The following USP4 variants were observed in gnomAD, a reference collection of about 807,000 sequenced individuals.
USP4 encodes the protein ubiquitin carboxyl-terminal hydrolase 4.
In USP4, 72 loss-of-function variants were observed where a neutral mutation model predicts 118.2. That is an observed-to-expected ratio of 0.61 (90% CI 0.50 to 0.74). The LOEUF is 0.74. Among genes scored for constraint, USP4 ranks in the 30% least tolerant of loss-of-function variants. The pLI, the probability that USP4 is intolerant of heterozygous loss-of-function variation, is 0.00. For missense variants in USP4, 1,037 were observed against 1,185.7 expected (o/e 0.87, Z 1.84); for synonymous variants, 415 against 440.4 (o/e 0.94, Z 0.72).
rs373058777 is a variant in USP4, at chr3:49,327,721, C to T, written c.325G>A (p.Gly109Ser). 6.2e-6 allele frequency: 10 copies of T among 1,614,048 alleles called. No individual in the cohort carries two copies. The highest frequency in any genetic ancestry group is 2.7e-5 in the African/African-American group (2 of 75,008). Residue 109 changes from glycine to serine, a missense_variant, in exon 3 of 22, where the codon GGC becomes AGC. Around this residue, in one of 3 missense-constraint regions of USP4, gnomAD observed 487 missense variants for 534.1 expected, o/e 0.91. Coordinates refer to ENST00000265560, the MANE Select transcript of USP4 (RefSeq NM_003363.4). ...EAWNKLLNWY[G>S]CVEGQQPIVR... ...ATGGGTTGCTGGCCTTCTACACAGCCGTACCAGTTTAGTAGTTTATTCCAC... is the reference window on the plus strand; with the variant it reads ...ATGGGTTGCTGGCCTTCTACACAGCTGTACCAGTTTAGTAGTTTATTCCAC...
chr3:49,281,367 A>G (rs1559462920), intron 19 of USP4, among the ~76,000 whole-genome samples: 1 of 151,730 alleles, frequency 6.6e-6, no homozygotes, highest in African/African-American at 2.4e-5. Context: ...GAGGCAGGAG[A>G]ATGGCGTGAA....
chr3:49,283,008 CTTTTTTTTTTTTTT>C (rs71077783), intron 19 of USP4, among the ~76,000 whole-genome samples: 1 of 78,264 alleles, frequency 1.3e-5, no homozygotes, highest in Non-Finnish European at 2.5e-5. Flanking sequence ...GTGCCGGCCT[CTTTTTTTTTTTTTT>C]TTTTTTTTTT....
At chr3:49,287,631 C>A (rs1288771156) in intron 15 of USP4, among the ~76,000 whole-genome samples, 1 of 152,086 alleles carries the variant, frequency 6.6e-6, no homozygotes, top group Non-Finnish European at 1.5e-5. Flanking sequence ...CACCACCACG[C>A]CCAGCTAATT....
rs113202268 is a variant in USP4 at position 49,317,274 on chromosome 3, G to A, written c.696-5620C>T. ...TCTTGCGTGCCAGGTTCTCGTTGAC[G>A]CGGGCCAGCTTCTCGTTGACGCAGG... is the stretch of plus-strand genomic sequence containing the variant. On this transcript the variant is annotated intron_variant, in intron 6 of 21. Transcript: ENST00000265560. 66 of 1,533,540 alleles carry A rather than the reference G, an allele frequency of 4.3e-5. 1 individual carries two copies. In the African/African-American group the frequency reaches 7.5e-4, roughly 17 times the overall value. The allele number at this position is 1,533,540 out of a possible 1,614,324, so 95.0% of individuals were successfully genotyped here. A position where few individuals can be genotyped will look rare whatever the true frequency, so the allele number is the denominator to read the frequency against.
At chr3:49,306,428 C>G (rs1052764354) in intron 8 of USP4, among the ~76,000 whole-genome samples, 1 of 151,924 alleles carries the variant, frequency 6.6e-6, no homozygotes, top group Non-Finnish European at 1.5e-5. Context: ...GTCTCAAACT[C>G]CTGACCTCAG....
Position 49,286,816 on chromosome 3 carries a change from C to CTCTATCTATCTATCTA in USP4, c.1973-507_1973-492dup, listed in dbSNP as rs57920190. On this transcript the variant is annotated intron_variant, in intron 15 of 21. Transcript: ENST00000265560. ...ATCCGAGACAGTCTCACTCTAGCCA[C>CTCTATCTATCTATCTA]TCTATCTATCTATCTATCTATCTAT... Among the ~76,000 whole-genome samples, 840 of 141,332 alleles carry CTCTATCTATCTATCTA rather than the reference C, an allele frequency of 5.9e-3. 5 individuals are homozygous for CTCTATCTATCTATCTA. The highest frequency in any genetic ancestry group is 0.024 in the East Asian group (112 of 4,702). 92.7% of individuals were successfully genotyped at this position (141,332 alleles called of 152,430 possible). A position where few individuals can be genotyped will look rare whatever the true frequency, so the allele number is the denominator to read the frequency against.
rs2046987866 is a variant in USP4 at position 49,278,812 on chromosome 3, A to G, written c.2733+2T>C. On this transcript the variant is annotated splice_donor_variant, in intron 21 of 21. Transcript: ENST00000265560. LOFTEE classifies it high-confidence loss of function. ...AAGAACCACATATCATGGCCTACTC[A>G]CCACTATCTGATCCTCAGAGGCCAG... is the stretch of plus-strand genomic sequence containing the variant. 6.3e-7 allele frequency: 1 copy of G among 1,599,482 alleles called. No homozygotes were observed. Among genetic ancestry groups the G allele is most frequent in the African/African-American group, 1.3e-5 (1 of 74,366 alleles).
At chr3:49,339,432 C>T (rs775336766) in intron 1 of USP4, among the ~76,000 whole-genome samples, 11 of 152,230 alleles carry the variant, frequency 7.2e-5, no homozygotes, top group Non-Finnish European at 1.2e-4. Flanking sequence ...CCAAAATAAT[C>T]GGGGTTCTCA....
intron 2 of USP4, among the ~76,000 whole-genome samples, chr3:49,334,070 T>C (rs1236712342): frequency 6.6e-6 from 1 of 151,476 alleles, no homozygotes; most frequent in Non-Finnish European, 1.5e-5. Context: ...CAAATAATAA[T>C]GAAAAACTTT....
At chr3:49,292,641 G>C in intron 14 of USP4, 43 bp from the exon 15 acceptor site, 2 of 1,359,418 alleles carry the variant, frequency 1.5e-6, no homozygotes, top group Non-Finnish European at 2.0e-6. Flanking sequence ...ATTGTTAGTT[G>C]TAACATTTAT....
At chr3:49,295,718 A>G (rs965337246) in intron 13 of USP4, among the ~76,000 whole-genome samples, 119 of 148,022 alleles carry the variant, frequency 8.0e-4, no homozygotes, top group African/African-American at 2.6e-3. Context: ...GCGCGCGCAC[A>G]CACACACACA....
chr3:49,312,391 G>T, intron 6 of USP4: 1 of 433,258 alleles, frequency 2.3e-6, no homozygotes, highest in Non-Finnish European at 4.7e-6. Flanking sequence ...CGGGAGGCTG[G>T]GGCAGAAGCA....
At chr3:49,283,832 G>A (rs2107765816) in intron 19 of USP4, among the ~76,000 whole-genome samples, 155 bp downstream of exon 19, 1 of 152,334 alleles carries the variant, frequency 6.6e-6, no homozygotes, top group Non-Finnish European at 1.5e-5. Flanking sequence ...GATAGGGACA[G>A]AAGGGGTAAC....
intron 4 of USP4, among the ~76,000 whole-genome samples, chr3:49,325,360 G>GT (rs920802280): frequency 4.9e-4 from 71 of 145,788 alleles, no homozygotes; most frequent in Admixed American, 1.4e-3. Context: ...GCTGCGATTT[G>GT]TTTTTTTTTT....
rs546333876 is a variant in USP4, at chr3:49,310,009, C to T, written c.954+611G>A. 6.5e-4 allele frequency among the ~76,000 whole-genome samples: 76 copies of T among 116,398 alleles called. No homozygotes were observed. In the South Asian group the frequency reaches 0.012, roughly 19 times the overall value. 76.4% of individuals were successfully genotyped at this position (116,398 alleles called of 152,430 possible). A position where few individuals can be genotyped will look rare whatever the true frequency, so the allele number is the denominator to read the frequency against. The stretch of plus-strand genomic sequence containing the variant: ...TGTTGCCCAGGCTAGAGTGCAGTGG[C>T]GTAATCTCAGCTCACTGCAACCTCC... On this transcript the variant is annotated intron_variant, in intron 8 of 21. Coordinates refer to ENST00000265560, the MANE Select transcript of USP4 (RefSeq NM_003363.4).
chr3:49,334,851 T>G (rs1274902238), intron 2 of USP4, among the ~76,000 whole-genome samples: 1 of 152,128 alleles, frequency 6.6e-6, no homozygotes, highest in Non-Finnish European at 1.5e-5. Context: ...ACAGATCACC[T>G]CTATCATGAC....
chr3:49,327,048 A>G (rs1012084956), intron 3 of USP4, among the ~76,000 whole-genome samples: 1 of 152,122 alleles, frequency 6.6e-6, no homozygotes, highest in Non-Finnish European at 1.5e-5. Flanking sequence ...AAGGTTTTTT[A>G]AGATAAACAA....
rs770070034 is a variant in USP4 at position 49,339,924 on chromosome 3, C to T, written c.101G>A (p.Trp34Ter). 1.2e-5 allele frequency: 19 copies of T among 1,612,170 alleles called. No individual in the cohort carries two copies. The highest frequency in any genetic ancestry group is 1.6e-5 in the Non-Finnish European group (19 of 1,179,362). ...GAGGAAGAGCGAGCCGGGAGCTCAC[C>T]ACTGCGCCCCGCGTTGGAGTGTGGT... ...MRTTLQRGAQ[W>*]YLIDSRWFKQ... The change falls in exon 1 of 22, where the codon TGG becomes TAG. Residue 34 changes from tryptophan (W) to a stop codon, truncating the protein, a stop_gained and splice_region_variant. Transcript: ENST00000265560. LOFTEE classifies it high-confidence loss of function.
At chr3:49,331,256 G>A (rs540322523) in intron 2 of USP4, among the ~76,000 whole-genome samples, 3 of 152,132 alleles carry the variant, frequency 2.0e-5, no homozygotes, top group East Asian at 3.9e-4. Context: ...GGAGGCAGAG[G>A]TTGTGGTGAG....
Sources: gnomAD v4.1 joint callset for allele counts (sites outside exome capture counted in the v4.1 genomes callset) on GRCh38, gnomAD v4.1.1 for gene constraint, gnomAD v4.1.1 regional missense constraint, MANE v1.5 for transcripts, NCBI Gene and HGNC (gene_info 2026-07-23, HGNC 2026-07-21) for gene names.